The following NET1 variants were observed in gnomAD, a reference collection of about 807,000 sequenced individuals.
NET1 encodes neuroepithelial cell transforming 1.
A neutral mutation model predicts 61.1 loss-of-function variants in NET1; 42 were observed. The observed-to-expected ratio is 0.69, with a 90% CI of 0.54 to 0.89. The LOEUF (loss-of-function observed/expected upper bound fraction) is 0.89. Ranked by LOEUF, NET1 falls within the 40% of genes least tolerant of loss-of-function variation. NET1 has a pLI of 0.00. For synonymous variants in NET1, 254 were observed against 281.8 expected (o/e 0.90, Z 0.99); for missense variants, 654 against 747.3 (o/e 0.88, Z 1.46).
rs957099824 is a variant in NET1 at position 5,453,582 on chromosome 10, C to T, written c.768+22C>T. Reference sequence around the variant, plus strand: ...CTGGGTATGTAGTGAGTTGTTGACCCCAGATACAGTTTCTTACAGATGTGC... The same window carrying T: ...CTGGGTATGTAGTGAGTTGTTGACCTCAGATACAGTTTCTTACAGATGTGC... On this transcript the variant is annotated intron_variant, in intron 8 of 11. Coordinates refer to ENST00000355029, the MANE Select transcript of NET1 (RefSeq NM_001047160.3). The surrounding 1 kb of genome is among the most constrained non-coding windows in gnomAD (Gnocchi z 4.9). 1.9e-6 allele frequency: 3 copies of T among 1,603,050 alleles called. No homozygotes were observed. The African/African-American group carries it at 4.0e-5, about 21-fold the overall frequency.
chr10:5,412,651 C>G lies in NET1; in HGVS notation c.-42C>G, dbSNP rs1255173298. ...GGGCATCGTGCCCGTCCCTGCCGGTCTCCCGGGCACCCGGCCACCGCCCCA... is the reference window on the plus strand; with the variant it reads ...GGGCATCGTGCCCGTCCCTGCCGGTGTCCCGGGCACCCGGCCACCGCCCCA... On this transcript the variant is annotated 5_prime_UTR_variant, in exon 1 of 12. Transcript: ENST00000355029. This position sits in a 1 kb window ranked among gnomAD's most constrained non-coding sequence, Gnocchi z 6.5. 1 of 1,446,140 alleles carries G rather than the reference C, an allele frequency of 6.9e-7. No individual in the cohort carries two copies. The highest frequency in any genetic ancestry group is 9.0e-7 in the Non-Finnish European group (1 of 1,111,638). 89.6% of individuals were successfully genotyped at this position (1,446,140 alleles called of 1,614,324 possible).
In NET1 at chr10:5,440,550, ACT is replaced by A. The variant is rs1304267269; in HGVS notation, c.256-11277_256-11276del. On this transcript the variant is annotated intron_variant, in intron 3 of 11. Transcript: ENST00000355029. The surrounding 1 kb of genome is among the most constrained non-coding windows in gnomAD (Gnocchi z 4.1). ...GAGACTATCACTTGTGCAGTCCGTA[ACT>A]CTGATGGCTGATCTCTGCATTTTCT... 6.6e-6 allele frequency among the ~76,000 whole-genome samples: 1 copy of A among 152,046 alleles called. No individual in the cohort carries two copies. Among genetic ancestry groups the A allele is most frequent in the African/African-American group, 2.4e-5 (1 of 41,390 alleles).
rs144864955 is a variant in NET1 at position 5,437,160 on chromosome 10, C to T, written c.255+7931C>T. On this transcript the variant is annotated intron_variant, in intron 3 of 11. Transcript: ENST00000355029. The surrounding 1 kb of genome is among the most constrained non-coding windows in gnomAD (Gnocchi z 4.3). ...AAAATTGAAACCGTTTTTTTAAAGA[C>T]CTCTTTTACTGCCTTCAGCCTCTGA... 3.1e-4 allele frequency among the ~76,000 whole-genome samples: 47 copies of T among 152,132 alleles called. No homozygotes were observed. The highest frequency in any genetic ancestry group is 1.2e-3 in the Admixed American group (18 of 15,296).
At chr10:5,429,276 A>G (rs775339641) in intron 3 of NET1, 47 bp downstream of exon 3, 5 of 1,324,332 alleles carry the variant, frequency 3.8e-6, no homozygotes, top group Non-Finnish European at 5.3e-6. Context: ...AAATATGCAG[A>G]TAGCATTTTA....
At position 5,416,606 on chromosome 10, in the gene NET1, G is replaced by C. The variant is rs1832085607; in HGVS notation, c.128+3786G>C. The stretch of plus-strand genomic sequence containing the variant: ...TTTGTAGTTTTCAGAGTATAGTTCT[G>C]CATGTTTTGCTAAATTTATTCCTAA... On this transcript the variant is annotated intron_variant, in intron 1 of 11. Coordinates refer to ENST00000355029, the MANE Select transcript of NET1 (RefSeq NM_001047160.3). This position sits in a 1 kb window ranked among gnomAD's most constrained non-coding sequence, Gnocchi z 6.1. Among the ~76,000 whole-genome samples, 1 of 152,132 alleles carries C rather than the reference G, an allele frequency of 6.6e-6. No individual in the cohort carries two copies.
At chr10:5,429,530 C>T (rs892352971) in intron 3 of NET1, among the ~76,000 whole-genome samples, 2 of 152,018 alleles carry the variant, frequency 1.3e-5, no homozygotes, top group Admixed American at 6.6e-5. Flanking sequence ...AAGAGAGGGC[C>T]GGTGGTGAAA....
In NET1 at chr10:5,416,775, T is replaced by C. The variant is rs914156923; in HGVS notation, c.128+3955T>C. ...CTGTTCAAACCTCTAGGGGAACATA[T>C]AGATAGGCAGGCTGTGGGGCTCCAA... On this transcript the variant is annotated intron_variant, in intron 1 of 11. Transcript: ENST00000355029. This position sits in a 1 kb window ranked among gnomAD's most constrained non-coding sequence, Gnocchi z 6.1. 3.3e-5 allele frequency among the ~76,000 whole-genome samples: 5 copies of C among 152,244 alleles called. No individual in the cohort carries two copies. In the South Asian group the frequency reaches 1.0e-3, roughly 32 times the overall value.
intron 3 of NET1, among the ~76,000 whole-genome samples, chr10:5,438,910 C>A (rs1203498255): frequency 6.6e-6 from 1 of 152,178 alleles, no homozygotes; most frequent in Non-Finnish European, 1.5e-5. Context: ...TCATGCCTGC[C>A]ATCATGGCTC....
rs887476054 is a variant in NET1 at position 5,423,364 on chromosome 10, A to T, written c.129-3291A>T. 2.6e-5 allele frequency among the ~76,000 whole-genome samples: 4 copies of T among 152,214 alleles called. No individual in the cohort carries two copies. The highest frequency in any genetic ancestry group is 4.4e-5 in the Non-Finnish European group (3 of 68,026). On this transcript the variant is annotated intron_variant, in intron 1 of 11. Transcript: ENST00000355029. The surrounding 1 kb of genome is among the most constrained non-coding windows in gnomAD (Gnocchi z 4.4). ...TTTGGCTTAAGAATGAATTAACAAG[A>T]TGCTTTTCTTTTGAACAGCAGCTTT...
chr10:5,457,072 G>T lies in NET1; in HGVS notation c.*78G>T, dbSNP rs1832815898. 7.2e-7 allele frequency: 1 copy of T among 1,384,558 alleles called. No individual in the cohort carries two copies. Among genetic ancestry groups the T allele is most frequent in the East Asian group, 2.4e-5 (1 of 41,350 alleles). The allele number at this position is 1,384,558 out of a possible 1,614,324, so 85.8% of individuals were successfully genotyped here. ...ACAGTTTTGTTTTCTCGTAAGGGGA[G>T]CATCATAGGGTTACTTTATACCAGT... On this transcript the variant is annotated 3_prime_UTR_variant, in exon 12 of 12. Coordinates refer to ENST00000355029, the MANE Select transcript of NET1 (RefSeq NM_001047160.3). This position sits in a 1 kb window ranked among gnomAD's most constrained non-coding sequence, Gnocchi z 5.4.
In NET1 at chr10:5,416,556, G is replaced by GA. The variant is rs1183744416; in HGVS notation, c.128+3737dup. On this transcript the variant is annotated intron_variant, in intron 1 of 11. Coordinates refer to ENST00000355029, the MANE Select transcript of NET1 (RefSeq NM_001047160.3). This position sits in a 1 kb window ranked among gnomAD's most constrained non-coding sequence, Gnocchi z 6.1. Reference sequence around the variant, plus strand: ...CAAGGGATGTTTTTCCAATTATTTAGATCTTTAATTATTTTCAACAGTGTT... The same window carrying GA: ...CAAGGGATGTTTTTCCAATTATTTAGAATCTTTAATTATTTTCAACAGTGTT... 6.6e-6 allele frequency among the ~76,000 whole-genome samples: 1 copy of GA among 152,148 alleles called. No homozygotes were observed. Among genetic ancestry groups the GA allele is most frequent in the Admixed American group, 6.5e-5 (1 of 15,282 alleles).
chr10:5,414,804 G>A (rs956990862), intron 1 of NET1, among the ~76,000 whole-genome samples: 3 of 152,206 alleles, frequency 2.0e-5, no homozygotes, highest in African/African-American at 7.2e-5. Context: ...CAAATTCAAG[G>A]TAGAGGATTT....
At position 5,412,654 on chromosome 10, in the gene NET1, C is replaced by T; in HGVS notation, c.-39C>T. The T allele has an allele frequency of 1.4e-6, 2 of 1,451,284 alleles. No homozygotes were observed. Among genetic ancestry groups the T allele is most frequent in the Non-Finnish European group, 1.8e-6 (2 of 1,113,624 alleles). The allele number at this position is 1,451,284 out of a possible 1,614,324, so 89.9% of individuals were successfully genotyped here. The stretch of plus-strand genomic sequence containing the variant: ...CATCGTGCCCGTCCCTGCCGGTCTC[C>T]CGGGCACCCGGCCACCGCCCCACCC... On this transcript the variant is annotated 5_prime_UTR_variant, in exon 1 of 12. Coordinates refer to ENST00000355029, the MANE Select transcript of NET1 (RefSeq NM_001047160.3). The surrounding 1 kb of genome is among the most constrained non-coding windows in gnomAD (Gnocchi z 6.5).
chr10:5,445,931 G>A (rs546095313), intron 3 of NET1, among the ~76,000 whole-genome samples: 83 of 152,266 alleles, frequency 5.5e-4, no homozygotes, highest in Middle Eastern at 3.4e-3. Flanking sequence ...ATAGAGAACA[G>A]AAATCACCTT....
intron 3 of NET1, among the ~76,000 whole-genome samples, chr10:5,448,566 C>G (rs1231299612): frequency 6.6e-6 from 1 of 151,808 alleles, no homozygotes; most frequent in Non-Finnish European, 1.5e-5. Context: ...GACTTTTTTT[C>G]CCTCCAAGTG....
intron 3 of NET1, among the ~76,000 whole-genome samples, chr10:5,438,360 AAGAG>A (rs1832470855): frequency 6.6e-6 from 1 of 152,226 alleles, no homozygotes; most frequent in Non-Finnish European, 1.5e-5. Flanking sequence ...CTAAGAAAAA[AAGAG>A]AGAAGACTCA....
Position 5,454,394 on chromosome 10 carries a change from C to T in NET1, c.898C>T (p.Arg300Ter), listed in dbSNP as rs962117665. 2 of 1,614,120 alleles carry T rather than the reference C, an allele frequency of 1.2e-6. No homozygotes were observed. The highest frequency in any genetic ancestry group is 8.5e-7 in the Non-Finnish European group (1 of 1,180,022). Residue 300 changes from arginine to a stop codon, truncating the protein, a stop_gained, in exon 9 of 12, where the codon CGA becomes TGA. Transcript: ENST00000355029. LOFTEE classifies it high-confidence loss of function. The surrounding 1 kb of genome is among the most constrained non-coding windows in gnomAD (Gnocchi z 8.1). ...GCGATGTCTCGAGTCTCCCTTCAGT[C>T]GAAAACTAGATCTTTGGAGTTTCCT... ...LQRCLESPFS[R>*]KLDLWSFLDI...
Position 5,435,668 on chromosome 10 carries a change from T to A in NET1, c.255+6439T>A, listed in dbSNP as rs911205245. Among the ~76,000 whole-genome samples the A allele has an allele frequency of 4.6e-5, 7 of 152,210 alleles. No individual in the cohort carries two copies. The highest frequency in any genetic ancestry group is 8.8e-5 in the Non-Finnish European group (6 of 68,020). ...CTTACATAAGCATATAACATGATCA[T>A]TGTATTACGTATTTGGACTTTGGAT... On this transcript the variant is annotated intron_variant, in intron 3 of 11. Transcript: ENST00000355029. This position sits in a 1 kb window ranked among gnomAD's most constrained non-coding sequence, Gnocchi z 5.0.
chr10:5,436,837 C>T (rs1832445624), intron 3 of NET1, among the ~76,000 whole-genome samples: 1 of 152,158 alleles, frequency 6.6e-6, no homozygotes, highest in South Asian at 2.1e-4. Context: ...TTGCCCTCCA[C>T]CTGCACTTTG....
Sources: allele counts gnomAD v4.1 joint callset (sites outside exome capture counted in the v4.1 genomes callset), GRCh38; gene constraint gnomAD v4.1.1; non-coding constraint Gnocchi (gnomAD v3.1); transcripts MANE v1.5; gene names NCBI Gene and HGNC (gene_info 2026-07-23, HGNC 2026-07-21).